PTPRM: variants seen among roughly 807,000 people sequenced by gnomAD.
The protein encoded by PTPRM is protein tyrosine phosphatase receptor type M.
PTPRM carries 47 observed loss-of-function variants against 186.7 expected under a neutral mutation model. That is an observed-to-expected ratio of 0.25 (90% confidence interval 0.20 to 0.32). PTPRM has a LOEUF of 0.32. Among genes scored for constraint, PTPRM ranks in the 10% least tolerant of loss-of-function variants. PTPRM has a pLI of 1.00. For synonymous variants in PTPRM, 668 were observed against 674.9 expected (o/e 0.99, Z 0.16); for missense variants, 1,494 against 1,865.0 (o/e 0.80, Z 3.66).
chr18:7,817,099 C>T (rs895702744), intron 2 of PTPRM, among the ~76,000 whole-genome samples: 3 of 151,846 alleles, frequency 2.0e-5, no homozygotes, highest in East Asian at 1.9e-4. Context: ...CTCAGCCTCC[C>T]GAGTAGCTGG....
At chr18:8,190,489 G>T (rs1245266561) in intron 14 of PTPRM, among the ~76,000 whole-genome samples, 1 of 152,154 alleles carries the variant, frequency 6.6e-6, no homozygotes, top group Non-Finnish European at 1.5e-5. Context: ...CACAGTTATA[G>T]CTGCTCACGT....
intron 2 of PTPRM, among the ~76,000 whole-genome samples, chr18:7,821,976 C>T (rs1221898035): frequency 6.6e-6 from 1 of 152,202 alleles, no homozygotes; most frequent in African/African-American, 2.4e-5. Context: ...TCATGGGTAA[C>T]TGACACCATG....
intron 1 of PTPRM, among the ~76,000 whole-genome samples, chr18:7,676,979 C>T (rs552708092): frequency 6.1e-4 from 93 of 152,262 alleles, no homozygotes; most frequent in Middle Eastern, 6.8e-3. Context: ...CTAGGTCCAG[C>T]GATAAAAATT....
At chr18:8,316,799 T>C (rs1190314111) in intron 21 of PTPRM, among the ~76,000 whole-genome samples, 1 of 152,102 alleles carries the variant, frequency 6.6e-6, no homozygotes, top group Non-Finnish European at 1.5e-5. Context: ...GATGGCAATT[T>C]TGAATCGAGT....
intron 7 of PTPRM, among the ~76,000 whole-genome samples, chr18:8,034,107 T>G (rs527303675): frequency 6.6e-5 from 10 of 152,126 alleles, no homozygotes; most frequent in Non-Finnish European, 1.5e-4. Flanking sequence ...TAGGATGATC[T>G]CTTCATCTCT....
At chr18:7,853,653 A>G (rs1471248062) in intron 2 of PTPRM, among the ~76,000 whole-genome samples, 1 of 152,228 alleles carries the variant, frequency 6.6e-6, no homozygotes, top group East Asian at 1.9e-4. Context: ...TATTAAGAGC[A>G]TCTCCATTGA....
intron 14 of PTPRM, among the ~76,000 whole-genome samples, chr18:8,158,510 A>G (rs2093167284): frequency 6.6e-6 from 1 of 152,228 alleles, no homozygotes; most frequent in Non-Finnish European, 1.5e-5. Flanking sequence ...TTTTATATTA[A>G]TAAGTAAAAC....
intron 1 of PTPRM, among the ~76,000 whole-genome samples, chr18:7,676,254 A>C (rs591721): frequency 6.6e-6 from 1 of 152,066 alleles, no homozygotes; most frequent in Non-Finnish European, 1.5e-5. Flanking sequence ...TTATTGTTGC[A>C]ATTGTTAGAA....
chr18:7,897,783 CCATGTTTTTGT>C (rs2049443425), intron 3 of PTPRM, among the ~76,000 whole-genome samples: 1 of 152,072 alleles, frequency 6.6e-6, no homozygotes, highest in Non-Finnish European at 1.5e-5. Context: ...GACTTCTAAG[CCATGTTTTTGT>C]CCTCTACCTT....
chr18:8,126,601 T>C (rs663105), intron 13 of PTPRM, among the ~76,000 whole-genome samples: 113,162 of 152,058 alleles, frequency 0.74, 42,647 homozygotes, highest in East Asian at 0.89. Flanking sequence ...CAGATCCCAT[T>C]TCACATCCTA....
chr18:7,938,333 A>G (rs974780970), intron 5 of PTPRM, among the ~76,000 whole-genome samples: 4 of 152,216 alleles, frequency 2.6e-5, no homozygotes, highest in African/African-American at 4.8e-5. Flanking sequence ...TGACTAAGGA[A>G]AAGTGACGTT....
At chr18:7,683,980 C>T (rs2039538228) in intron 1 of PTPRM, among the ~76,000 whole-genome samples, 1 of 152,120 alleles carries the variant, frequency 6.6e-6, no homozygotes, top group Non-Finnish European at 1.5e-5. Flanking sequence ...GGCTATCTGC[C>T]TGCCTTTTCC....
chr18:7,823,797 C>T (rs1234653703), intron 2 of PTPRM, among the ~76,000 whole-genome samples: 1 of 152,180 alleles, frequency 6.6e-6, no homozygotes, highest in Non-Finnish European at 1.5e-5. Context: ...CTTGGACTGG[C>T]TTCCTTGCTC....
At chr18:8,018,324 G>A (rs75112013) in intron 7 of PTPRM, among the ~76,000 whole-genome samples, 3,351 of 152,242 alleles carry the variant, frequency 0.022, 111 homozygotes, top group African/African-American at 0.076. Flanking sequence ...GGGAACCTTA[G>A]GAACCTTTTT....
intron 5 of PTPRM, among the ~76,000 whole-genome samples, chr18:7,936,215 G>A (rs2146909122): frequency 6.6e-6 from 1 of 152,258 alleles, no homozygotes; most frequent in South Asian, 2.1e-4. Flanking sequence ...TGCAGACCCA[G>A]CATCCCTGTG....
chr18:7,722,371 T>C (rs2040463275), intron 1 of PTPRM, among the ~76,000 whole-genome samples: 1 of 152,182 alleles, frequency 6.6e-6, no homozygotes, highest in South Asian at 2.1e-4. Context: ...TTTAATAAGT[T>C]GTGTTGGAAC....
intron 19 of PTPRM, among the ~76,000 whole-genome samples, chr18:8,268,751 G>A (rs982610095): frequency 6.6e-6 from 1 of 151,888 alleles, no homozygotes; most frequent in African/African-American, 2.4e-5. Flanking sequence ...TTATCCCTGG[G>A]GTGCAAGGAT....
chr18:7,964,956 G>T (rs2053926318), intron 7 of PTPRM, among the ~76,000 whole-genome samples: 1 of 151,548 alleles, frequency 6.6e-6, no homozygotes, highest in African/African-American at 2.4e-5. Context: ...GGTTGTGGAT[G>T]TGTTGCAATT....
chr18:7,612,177 CTG>C (rs367874001), intron 1 of PTPRM, among the ~76,000 whole-genome samples: 62 of 148,706 alleles, frequency 4.2e-4, no homozygotes, highest in African/African-American at 8.1e-4. Flanking sequence ...TGTATGTGCT[CTG>C]TGTGTGTGTG....
Sources: gnomAD v4.1 joint callset for allele counts (sites outside exome capture counted in the v4.1 genomes callset) on GRCh38, gnomAD v4.1.1 for gene constraint, MANE v1.5 for transcripts, NCBI Gene and HGNC (gene_info 2026-07-23, HGNC 2026-07-21) for gene names.